Variants in CDC42BPA observed in about 807,000 individuals in gnomAD.
The protein encoded by CDC42BPA is CDC42 binding protein kinase alpha.
A neutral mutation model predicts 223.5 loss-of-function variants in CDC42BPA; 80 were observed. That is an observed-to-expected ratio of 0.36 (90% confidence interval 0.30 to 0.43). CDC42BPA has a LOEUF of 0.43. Ranked by LOEUF, CDC42BPA falls within the 20% of genes least tolerant of loss-of-function variation. The pLI, the probability that CDC42BPA is intolerant of heterozygous loss-of-function variation, is 1.00. For synonymous variants in CDC42BPA, 694 were observed against 718.6 expected (o/e 0.97, Z 0.55); for missense variants, 1,743 against 2,099.9 (o/e 0.83, Z 3.32).
At chr1:227,137,076 T>G (rs776786761) in intron 10 of CDC42BPA, among the ~76,000 whole-genome samples, 2 of 152,122 alleles carry the variant, frequency 1.3e-5, no homozygotes, top group East Asian at 3.8e-4. Flanking sequence ...ATAACACAGA[T>G]TAAAGTAAAC....
At chr1:227,192,381 A>C (rs1182629671) in intron 5 of CDC42BPA, among the ~76,000 whole-genome samples, 1 of 152,160 alleles carries the variant, frequency 6.6e-6, no homozygotes, top group African/African-American at 2.4e-5. Context: ...GCAATTCCCC[A>C]GCCCGACCCA....
At chr1:227,177,619 G>A (rs551362902) in intron 5 of CDC42BPA, among the ~76,000 whole-genome samples, 6 of 152,168 alleles carry the variant, frequency 3.9e-5, no homozygotes, top group East Asian at 1.9e-4. Flanking sequence ...ATTTTCTTCC[G>A]TGGGGTGGAG....
At chr1:227,241,300 T>G (rs1020243298) in intron 2 of CDC42BPA, among the ~76,000 whole-genome samples, 2 of 152,116 alleles carry the variant, frequency 1.3e-5, no homozygotes, top group African/African-American at 4.8e-5. Context: ...CTTTTAAATT[T>G]AAACATGCAA....
At chr1:227,013,980 C>T (rs1665721816) in intron 34 of CDC42BPA, among the ~76,000 whole-genome samples, 1 of 151,994 alleles carries the variant, frequency 6.6e-6, no homozygotes, top group South Asian at 2.1e-4. Context: ...AATTGTTTAT[C>T]ACAATTTAAA....
chr1:227,290,530 T>C (rs1191335376), intron 1 of CDC42BPA, among the ~76,000 whole-genome samples: 3 of 152,070 alleles, frequency 2.0e-5, no homozygotes, highest in Non-Finnish European at 4.4e-5. Context: ...ATAGAATTTA[T>C]TTGTCCTAGA....
chr1:227,156,760 A>T (rs1369044189), intron 6 of CDC42BPA, among the ~76,000 whole-genome samples: 1 of 152,010 alleles, frequency 6.6e-6, no homozygotes, highest in East Asian at 1.9e-4. Flanking sequence ...GACTACAGGG[A>T]CTCTATCTCC....
intron 10 of CDC42BPA, among the ~76,000 whole-genome samples, chr1:227,138,418 T>C (rs989967359): frequency 6.6e-6 from 1 of 150,582 alleles, no homozygotes; most frequent in African/African-American, 2.4e-5. Flanking sequence ...ATAGAGAATA[T>C]TCTAACATTC....
At chr1:227,012,253 A>T (rs1665360556) in intron 34 of CDC42BPA, among the ~76,000 whole-genome samples, 1 of 152,242 alleles carries the variant, frequency 6.6e-6, no homozygotes, top group Non-Finnish European at 1.5e-5. Context: ...GTAAAGTATT[A>T]TTCTTGCATC....
At chr1:227,213,275 C>G in intron 2 of CDC42BPA, 56 bp from the exon 3 acceptor site, 1 of 922,978 alleles carries the variant, frequency 1.1e-6, no homozygotes, top group Non-Finnish European at 1.7e-6. Flanking sequence ...ATTTTTTCAG[C>G]CATCCATTTT....
At chr1:227,300,890 G>A (rs1033273958) in intron 1 of CDC42BPA, among the ~76,000 whole-genome samples, 6 of 152,180 alleles carry the variant, frequency 3.9e-5, no homozygotes, top group Non-Finnish European at 5.9e-5. Flanking sequence ...TCAGAAGAGC[G>A]GGTAAGCGCT....
At chr1:227,067,502 A>G (rs888494403) in intron 21 of CDC42BPA, among the ~76,000 whole-genome samples, 1 of 152,172 alleles carries the variant, frequency 6.6e-6, no homozygotes, top group Admixed American at 6.5e-5. Flanking sequence ...TAATATCTGT[A>G]TGGAAATATC....
chr1:227,030,463 T>G lies in CDC42BPA; in HGVS notation c.3783A>C (p.Glu1261Asp). 1 of 1,595,548 alleles carries G rather than the reference T, an allele frequency of 6.3e-7. No individual in the cohort carries two copies. Among genetic ancestry groups the G allele is most frequent in the Non-Finnish European group, 8.6e-7 (1 of 1,168,364 alleles). The change falls in exon 29 of 37, where the codon GAA becomes GAC. Residue 1261 changes from glutamate (E) to aspartate (D), a missense_variant. By Grantham distance (45) the Glu-to-Asp change is conservative (BLOSUM62 2). Transcript: ENST00000366766. ...TTQAAAIIDHERIALGNEEGL... is the reference protein window; with the variant it reads ...TTQAAAIIDHDRIALGNEEGL... ...CTTCTTCGTTTCCCAAAGCAATTCTTTCATGATCTATGTAAGACATGAATG... is the reference window on the plus strand; with the variant it reads ...CTTCTTCGTTTCCCAAAGCAATTCTGTCATGATCTATGTAAGACATGAATG...
In CDC42BPA at chr1:227,112,764, A is replaced by G; in HGVS notation, c.1797T>C (p.His599=). ...CCACCTCTTCTTCCTTATCTCGGAC[A>G]TGGCGAGCAAGTTTCTGTTTTTGGG... The part of the protein sequence containing the change: ...LHTQKQKLAR[H]VRDKEEEVDL... The change falls in exon 13 of 37, where the codon CAT becomes CAC. Residue 599 remains histidine (H), a synonymous_variant. Transcript: ENST00000366766. 6.2e-7 allele frequency: 1 copy of G among 1,614,000 alleles called. No individual in the cohort carries two copies. The highest frequency in any genetic ancestry group is 8.5e-7 in the Non-Finnish European group (1 of 1,179,990).
chr1:227,251,922 AT>A (rs915185301), intron 2 of CDC42BPA, among the ~76,000 whole-genome samples: 4 of 152,096 alleles, frequency 2.6e-5, no homozygotes, highest in East Asian at 1.9e-4. Flanking sequence ...ATGTTTAGAA[AT>A]TTTTTTAATG....
intron 2 of CDC42BPA, chr1:227,234,489 C>T (rs1572534228): frequency 6.6e-6 from 1 of 152,322 alleles, no homozygotes; most frequent in South Asian, 2.1e-4. Context: ...TACATTTAGA[C>T]CAATAAGAAC....
intron 1 of CDC42BPA, among the ~76,000 whole-genome samples, chr1:227,261,871 A>AT (rs1169566066): frequency 2.0e-5 from 3 of 152,174 alleles, no homozygotes; most frequent in Admixed American, 6.5e-5. Flanking sequence ...GGGGGGCAGC[A>AT]TAAGAGGAAA....
chr1:227,203,333 T>G (rs1672114186), intron 3 of CDC42BPA, among the ~76,000 whole-genome samples: 1 of 152,128 alleles, frequency 6.6e-6, no homozygotes, highest in South Asian at 2.1e-4. Context: ...ATTTAGTGGG[T>G]AGAGGCCAGG....
chr1:227,238,260 G>A (rs1045611202), intron 2 of CDC42BPA, among the ~76,000 whole-genome samples: 9 of 151,172 alleles, frequency 6.0e-5, no homozygotes, highest in African/African-American at 2.2e-4. Flanking sequence ...TTATGAGGCT[G>A]AGTGGGAAGA....
chr1:227,217,042 G>T (rs1216452897), intron 2 of CDC42BPA, among the ~76,000 whole-genome samples: 1 of 152,146 alleles, frequency 6.6e-6, no homozygotes, highest in African/African-American at 2.4e-5. Flanking sequence ...AGTATTTTAT[G>T]TTCATTCTTA....
Sources: gnomAD v4.1 joint callset for allele counts (sites outside exome capture counted in the v4.1 genomes callset) on GRCh38, gnomAD v4.1.1 for gene constraint, MANE v1.5 for transcripts, NCBI Gene and HGNC (gene_info 2026-07-23, HGNC 2026-07-21) for gene names.